The following PTPN12 variants were observed in gnomAD, a reference collection of about 807,000 sequenced individuals.
PTPN12 encodes the protein protein tyrosine phosphatase non-receptor type 12, also known as tyrosine-protein phosphatase non-receptor type 12.
PTPN12 carries 29 observed loss-of-function variants against 97.6 expected under a neutral mutation model. The observed-to-expected ratio is 0.30, with a 90% CI of 0.22 to 0.41. The LOEUF is 0.41. Ranked by LOEUF, PTPN12 falls within the 10% of genes least tolerant of loss-of-function variation. PTPN12 has a pLI of 1.00. For missense variants in PTPN12, 819 were observed against 926.0 expected (o/e 0.88, Z 1.50); for synonymous variants, 327 against 300.4 (o/e 1.09, Z -0.91).
intron 8 of PTPN12, among the ~76,000 whole-genome samples, chr7:77,603,742 A>G (rs1562741882): frequency 6.6e-6 from 1 of 152,228 alleles, no homozygotes; most frequent in Non-Finnish European, 1.5e-5. Flanking sequence ...GGTCAAGGAC[A>G]TAAACTTTTA....
intron 1 of PTPN12, among the ~76,000 whole-genome samples, chr7:77,567,115 A>G (rs116696814): frequency 0.016 from 2,382 of 151,862 alleles, 59 homozygotes; most frequent in African/African-American, 0.054. Context: ...ATATGTGTAG[A>G]TAATTCTGTT....
At chr7:77,537,823 C>A (rs970736130) in intron 1 of PTPN12, among the ~76,000 whole-genome samples, 178 bp downstream of exon 1, 1 of 151,994 alleles carries the variant, frequency 6.6e-6, no homozygotes, top group Non-Finnish European at 1.5e-5. Flanking sequence ...GCGCCTCCCC[C>A]CGTGGCCTCC....
At chr7:77,570,937 GTTAA>G in intron 1 of PTPN12, 137 bp from the exon 2 acceptor site, 1 of 521,664 alleles carries the variant, frequency 1.9e-6, no homozygotes, top group Non-Finnish European at 3.4e-6. Context: ...TATCCTTGGG[GTTAA>G]TTATTAAGGG....
In PTPN12 at chr7:77,626,968, T is replaced by C. The variant is rs1789211167; in HGVS notation, c.1289T>C (p.Leu430Ser). ...ESTIEQIDKK[L>S]ERNLSFEIKK... ...ACAATTGAACAGATAGATAAAAAAT[T>C]GGAACGAAATTTAAGTTTTGAGATT... The change falls in exon 13 of 18, where the codon TTG (leucine) becomes TCG (serine). Residue 430 changes from leucine to serine, a missense_variant. This residue lies in a region of PTPN12 where 607 missense variants were observed against 577.3 expected (regional missense o/e 1.05). Coordinates refer to ENST00000248594, the MANE Select transcript of PTPN12 (RefSeq NM_002835.4). The C allele has an allele frequency of 6.8e-6, 11 of 1,610,096 alleles. No homozygotes were observed. The East Asian group carries it at 2.5e-4, about 36-fold the overall frequency.
chr7:77,610,831 G>A lies in PTPN12; in HGVS notation c.829G>A (p.Val277Ile), dbSNP rs758686108. The change falls in exon 10 of 18, where the codon GTA (valine) becomes ATA (isoleucine). Residue 277 changes from valine to isoleucine, a missense_variant. This residue lies in a region of PTPN12 where 42 missense variants were observed against 120.9 expected (regional missense o/e 0.35). Coordinates refer to ENST00000248594, the MANE Select transcript of PTPN12 (RefSeq NM_002835.4). Reference sequence around the variant, plus strand: ...AATGAGAACACAAAGGCATTCTGCAGTACAAACAAAGGTATAGTTGTTTGT... The same window carrying A: ...AATGAGAACACAAAGGCATTCTGCAATACAAACAAAGGTATAGTTGTTTGT... Reference protein sequence around the residue: ...QEMRTQRHSAVQTKEQYELVH... With the variant: ...QEMRTQRHSAIQTKEQYELVH... 1 of 1,607,652 alleles carries A rather than the reference G, an allele frequency of 6.2e-7. No homozygotes were observed. Among genetic ancestry groups the A allele is most frequent in the Non-Finnish European group, 8.5e-7 (1 of 1,178,478 alleles).
intron 11 of PTPN12, among the ~76,000 whole-genome samples, chr7:77,613,840 A>G (rs1023917035): frequency 4.6e-5 from 7 of 152,024 alleles, no homozygotes; most frequent in African/African-American, 1.7e-4. Flanking sequence ...AGCCTCCCAA[A>G]GTGCAGGAAT....
intron 2 of PTPN12, among the ~76,000 whole-genome samples, chr7:77,579,671 TCAG>T (rs958586737): frequency 1.9e-4 from 29 of 152,184 alleles, no homozygotes; most frequent in African/African-American, 7.0e-4. Flanking sequence ...GTTTTAAACA[TCAG>T]CACAAACTGG....
rs1170076788 is a variant in PTPN12, at chr7:77,625,512, TCTCTCTCTCTCA to T, written c.1026-1187_1026-1176del. On this transcript the variant is annotated intron_variant, in intron 12 of 17. Transcript: ENST00000248594. ...CTCTCTCTCTCTCTCTCTCTCTCTCTCTCTCTCTCTCACTCTCACTCTCACTCGCGCTCTCTC... is the reference window on the plus strand; with the variant it reads ...CTCTCTCTCTCTCTCTCTCTCTCTCTCTCTCACTCTCACTCGCGCTCTCTC... Among the ~76,000 whole-genome samples the T allele has an allele frequency of 2.6e-3, 277 of 106,724 alleles. 15 individuals carry two copies. The highest frequency in any genetic ancestry group is 9.4e-3 in the Middle Eastern group (2 of 212). 70.0% of individuals were successfully genotyped at this position (106,724 alleles called of 152,430 possible). A position where few individuals can be genotyped will look rare whatever the true frequency, so the allele number is the denominator to read the frequency against.
intron 12 of PTPN12, among the ~76,000 whole-genome samples, chr7:77,620,530 G>T (rs1788896594): frequency 6.6e-6 from 1 of 152,124 alleles, no homozygotes. Flanking sequence ...ATGATTTTTA[G>T]AACTATTATA....
At chr7:77,613,189 T>TTTTTG (rs1460395851) in intron 11 of PTPN12, among the ~76,000 whole-genome samples, 1 of 143,582 alleles carries the variant, frequency 7.0e-6, no homozygotes, top group Admixed American at 7.0e-5. Flanking sequence ...TTTTTTTTTT[T>TTTTTG]TTTGAGATGG....
At chr7:77,558,125 C>T (rs1174426499) in intron 1 of PTPN12, among the ~76,000 whole-genome samples, 5 of 149,168 alleles carry the variant, frequency 3.4e-5, no homozygotes, top group African/African-American at 7.4e-5. Context: ...GCAGGAGAAT[C>T]GCTTGAACCC....
At chr7:77,589,093 C>T (rs527559787) in intron 5 of PTPN12, among the ~76,000 whole-genome samples, 1 of 152,042 alleles carries the variant, frequency 6.6e-6, no homozygotes, top group African/African-American at 2.4e-5. Flanking sequence ...AGGCTGGTCT[C>T]GAACTCCTGA....
intron 1 of PTPN12, 40 bp from the exon 2 acceptor site, chr7:77,571,038 T>G: frequency 7.4e-7 from 1 of 1,358,276 alleles, no homozygotes; most frequent in Non-Finnish European, 1.0e-6. Flanking sequence ...AAAATATCAC[T>G]GTTTCTCTAA....
Position 77,627,160 on chromosome 7 carries a change from C to T in PTPN12, c.1481C>T (p.Ser494Phe). 6.2e-7 allele frequency: 1 copy of T among 1,614,116 alleles called. No individual in the cohort carries two copies. The highest frequency in any genetic ancestry group is 8.5e-7 in the Non-Finnish European group (1 of 1,180,006). The part of the protein sequence containing the change: ...DLNVGDTSQN[S>F]CVDCSVTQSN... The stretch of plus-strand genomic sequence containing the variant: ...AATGTCGGTGATACTTCCCAGAATT[C>T]TTGTGTGGACTGCAGTGTAACACAA... The change falls in exon 13 of 18, where the codon TCT becomes TTT. Residue 494 changes from serine (S) to phenylalanine (F), a missense_variant. By Grantham distance (155) the Ser-to-Phe change is radical. Coordinates refer to ENST00000248594, the MANE Select transcript of PTPN12 (RefSeq NM_002835.4).
rs756583858 is a variant in PTPN12, at chr7:77,537,579, C to T, written c.33C>T (p.Ile11=). 2.5e-6 allele frequency: 4 copies of T among 1,601,390 alleles called. No homozygotes were observed. The Admixed American group carries it at 5.1e-5, about 20-fold the overall frequency. MEQVEILRKF[I]QRVQAMKSPD... is the part of the protein sequence containing the mutation. ...AAGTGGAGATCCTGAGGAAATTCAT[C>T]CAGAGGGTCCAGGCCATGAAGAGTC... Residue 11 remains isoleucine, a synonymous_variant, in exon 1 of 18, where the codon ATC becomes ATT. Coordinates refer to ENST00000248594, the MANE Select transcript of PTPN12 (RefSeq NM_002835.4).
chr7:77,561,224 C>T (rs1295107121), intron 1 of PTPN12, among the ~76,000 whole-genome samples: 2 of 152,080 alleles, frequency 1.3e-5, no homozygotes, highest in Non-Finnish European at 2.9e-5. Flanking sequence ...TGTGCCCAGC[C>T]TATTTTGGTT....
At chr7:77,626,585 C>T (rs1789187575) in intron 12 of PTPN12, 120 bp from the exon 13 acceptor site, 1 of 1,035,726 alleles carries the variant, frequency 9.7e-7, no homozygotes, top group Non-Finnish European at 1.4e-6. Flanking sequence ...TGAAAAACTG[C>T]AGTTTTTATT....
intron 5 of PTPN12, among the ~76,000 whole-genome samples, chr7:77,591,959 G>A (rs1787880601): frequency 6.6e-6 from 1 of 152,098 alleles, no homozygotes; most frequent in South Asian, 2.1e-4. Context: ...GAACAGTTAT[G>A]CACTTAAGTC....
intron 1 of PTPN12, among the ~76,000 whole-genome samples, chr7:77,553,672 G>T (rs1807573696): frequency 6.6e-6 from 1 of 152,134 alleles, no homozygotes. Context: ...GTGTGTGTTT[G>T]TATATTTAAA....
Sources: allele counts gnomAD v4.1 joint callset (sites outside exome capture counted in the v4.1 genomes callset), GRCh38; gene constraint gnomAD v4.1.1; regional missense constraint gnomAD v4.1.1; transcripts MANE v1.5; gene names NCBI Gene and HGNC (gene_info 2026-07-23, HGNC 2026-07-21).